The following IRS1 variants were observed in gnomAD, a reference collection of about 807,000 sequenced individuals.
IRS1 encodes insulin receptor substrate 1.
A neutral mutation model predicts 65.6 loss-of-function variants in IRS1; 34 were observed. The observed-to-expected ratio is 0.52, with a 90% CI of 0.39 to 0.69. The LOEUF (loss-of-function observed/expected upper bound fraction) is 0.69. Among genes scored for constraint, IRS1 ranks in the 30% least tolerant of loss-of-function variants. The pLI, the probability that IRS1 is intolerant of heterozygous loss-of-function variation, is 0.00. For missense variants in IRS1, 1,641 were observed against 1,720.2 expected, an observed-to-expected ratio of 0.95 and a Z score of 0.81; for synonymous variants, 699 against 683.5, an observed-to-expected ratio of 1.02 and a Z score of -0.35.
intron 1 of IRS1, among the ~76,000 whole-genome samples, chr2:226,763,980 A>G (rs1938974219): frequency 6.6e-6 from 1 of 152,138 alleles, no homozygotes; most frequent in African/African-American, 2.4e-5. Flanking sequence ...GTTGTATAGT[A>G]AATGAACTTC....
In IRS1 at chr2:226,798,307, C is replaced by T. The variant is rs2106187558; in HGVS notation, c.432G>A (p.Glu144=). ...GSCSGSSGLG[E]AGEDLSYGDV... Reference sequence around the variant, plus strand: ...CACCGTAGCTCAAGTCCTCCCCAGCCTCACCAAGGCCGGAGCTGCCGCTGC... The same window carrying T: ...CACCGTAGCTCAAGTCCTCCCCAGCTTCACCAAGGCCGGAGCTGCCGCTGC... The change falls in exon 1 of 2, where the codon GAG becomes GAA. Residue 144 remains glutamate (E), a synonymous_variant. Transcript: ENST00000305123. The surrounding 1 kb of genome is among the most constrained non-coding windows in gnomAD (Gnocchi z 9.4). The T allele has an allele frequency of 1.2e-6, 2 of 1,613,256 alleles. No homozygotes were observed. The highest frequency in any genetic ancestry group is 1.7e-6 in the Non-Finnish European group (2 of 1,179,900).
At chr2:226,788,019 C>CAAA (rs539121964) in intron 1 of IRS1, among the ~76,000 whole-genome samples, 1 of 140,516 alleles carries the variant, frequency 7.1e-6, no homozygotes, top group Admixed American at 7.0e-5. Flanking sequence ...TACATATATT[C>CAAA]AAAAAAAAAA....
intron 1 of IRS1, among the ~76,000 whole-genome samples, chr2:226,791,830 G>A (rs1939614578): frequency 6.6e-6 from 1 of 152,136 alleles, no homozygotes; most frequent in South Asian, 2.1e-4. Flanking sequence ...ACGCGGCCCG[G>A]GAAGGGGCCC....
chr2:226,746,594 T>C (rs979303318), intron 1 of IRS1, among the ~76,000 whole-genome samples: 7 of 151,958 alleles, frequency 4.6e-5, no homozygotes, highest in Non-Finnish European at 8.8e-5. Context: ...GAGGCAAAAT[T>C]TTTCCAGTTG....
rs778375751 is a variant in IRS1 at position 226,798,616 on chromosome 2, C to T, written c.123G>A (p.Pro41=). The T allele has an allele frequency of 6.2e-7, 1 of 1,613,158 alleles. No homozygotes were observed. Among genetic ancestry groups the T allele is most frequent in the South Asian group, 1.1e-5 (1 of 91,074 alleles). Residue 41 remains proline, a synonymous_variant, in exon 1 of 2, where the codon CCG becomes CCA. Coordinates refer to ENST00000305123, the MANE Select transcript of IRS1 (RefSeq NM_005544.3). This position sits in a 1 kb window ranked among gnomAD's most constrained non-coding sequence, Gnocchi z 9.4. ...CGTTCTCGTAGTACTCGAGGCGCGC[C>T]GGGCCCCCAGCCTCGCTGGCCGCGC... ...VLRAASEAGG[P]ARLEYYENEK... is the part of the protein sequence containing the mutation.
At position 226,795,728 on chromosome 2, in the gene IRS1, G is replaced by A. The variant is rs750831376; in HGVS notation, c.3011C>T (p.Thr1004Ile). The change falls in exon 1 of 2, where the codon ACC (threonine) becomes ATC (isoleucine). Residue 1004 changes from threonine (T) to isoleucine (I), a missense_variant. Physicochemically the swap from Thr to Ile is moderately conservative, Grantham distance 89. Transcript: ENST00000305123. ...MSCPRQSYVD[T>I]SPAAPVSYAD... is the part of the protein sequence containing the mutation. ...ATAGCTTACAGGGGCAGCTGGCGAG[G>A]TGTCCACGTAGCTCTGACGGGGACA... 6.2e-7 allele frequency: 1 copy of A among 1,613,290 alleles called. No homozygotes were observed. The highest frequency in any genetic ancestry group is 8.5e-7 in the Non-Finnish European group (1 of 1,180,022).
rs77922381 is a variant in IRS1 at position 226,760,482 on chromosome 2, A to G, written c.*22-24232T>C. Among the ~76,000 whole-genome samples the G allele has an allele frequency of 4.3e-3, 658 of 152,286 alleles. 3 individuals carry two copies. Among genetic ancestry groups the G allele is most frequent in the African/African-American group, 0.015 (630 of 41,552 alleles). On this transcript the variant is annotated intron_variant, in intron 1 of 1. Transcript: ENST00000305123. ...AATAGTGTCCAGTCCACACTTCCCT[A>G]CAAATACATGCGGTCATAATTTTTT...
intron 1 of IRS1, among the ~76,000 whole-genome samples, chr2:226,736,945 T>C (rs1399646380): frequency 2.6e-5 from 4 of 152,234 alleles, no homozygotes; most frequent in East Asian, 3.9e-4. Context: ...TTTTTTTTAC[T>C]TTTTTTATTA....
intron 1 of IRS1, among the ~76,000 whole-genome samples, chr2:226,771,375 A>AC (rs1939161959): frequency 6.6e-6 from 1 of 152,180 alleles, no homozygotes; most frequent in African/African-American, 2.4e-5. Flanking sequence ...ATTCGGCTCC[A>AC]CCACTCAAGG....
rs562327159 is a variant in IRS1, at chr2:226,735,363, A to T, written c.*909T>A. On this transcript the variant is annotated 3_prime_UTR_variant, in exon 2 of 2. Coordinates refer to ENST00000305123, the MANE Select transcript of IRS1 (RefSeq NM_005544.3). ...CTGTTTACAATACATGCAATGGAAG[A>T]CTTTAATTTCCTCTTCTTATAATTT... The T allele has an allele frequency of 6.6e-6, 1 of 152,348 alleles. No individual in the cohort carries two copies. Among genetic ancestry groups the T allele is most frequent in the East Asian group, 1.9e-4 (1 of 5,186 alleles). 9.4% of individuals were successfully genotyped at this position (152,348 alleles called of 1,614,324 possible). A position where few individuals can be genotyped will look rare whatever the true frequency, so the allele number is the denominator to read the frequency against.
At chr2:226,750,249 CAAAAAAAAAAA>C (rs75785691) in intron 1 of IRS1, among the ~76,000 whole-genome samples, 1 of 59,980 alleles carries the variant, frequency 1.7e-5, no homozygotes, top group Non-Finnish European at 3.8e-5. Context: ...AACTCTGTCT[CAAAAAAAAAAA>C]AAAAAAAAAA....
intron 1 of IRS1, among the ~76,000 whole-genome samples, chr2:226,766,148 TATATATATATA>T (rs1939037569): frequency 2.7e-4 from 2 of 7,436 alleles, no homozygotes; most frequent in African/African-American, 6.6e-4. Flanking sequence ...TATATATATA[TATATATATATA>T]TATATTTTTT....
At chr2:226,774,029 G>A (rs1939217301) in intron 1 of IRS1, among the ~76,000 whole-genome samples, 1 of 152,102 alleles carries the variant, frequency 6.6e-6, no homozygotes, top group Non-Finnish European at 1.5e-5. Context: ...ATTCCCTGTA[G>A]TCCAACAGAG....
At position 226,796,091 on chromosome 2, in the gene IRS1, GGCTGCT is replaced by G. The variant is rs747646240; in HGVS notation, c.2642_2647del (p.Gln881_Gln882del). On this transcript the variant is annotated inframe_deletion, in exon 1 of 2. Coordinates refer to ENST00000305123, the MANE Select transcript of IRS1 (RefSeq NM_005544.3). ...CTTGGGCTCTGGAGGGTGCAGCAAG[GGCTGCT>G]GCTGCTGCTGCTGCTCTCGGGCCCG... 11 of 1,612,142 alleles carry G rather than the reference GGCTGCT, an allele frequency of 6.8e-6. No individual in the cohort carries two copies. The highest frequency in any genetic ancestry group is 6.7e-5 in the African/African-American group (5 of 74,918).
In IRS1 at chr2:226,741,028, C is replaced by G. The variant is rs572527043; in HGVS notation, c.*22-4778G>C. ...AAAAAAAAGTATCTTGAATATAATA[C>G]AGAAAATGTATAAAATACAGGAAGA... On this transcript the variant is annotated intron_variant, in intron 1 of 1. Transcript: ENST00000305123. Among the ~76,000 whole-genome samples the G allele has an allele frequency of 1.1e-4, 16 of 151,702 alleles. 1 individual carries two copies. In the South Asian group the frequency reaches 3.1e-3, roughly 30 times the overall value.
chr2:226,733,016 A>G lies in IRS1; in HGVS notation c.*3256T>C, dbSNP rs1346917684. The G allele has an allele frequency of 6.6e-6, 1 of 152,142 alleles. No individual in the cohort carries two copies. The highest frequency in any genetic ancestry group is 6.5e-5 in the Admixed American group (1 of 15,280). The allele number at this position is 152,142 out of a possible 1,614,324, so 9.4% of individuals were successfully genotyped here. A position where few individuals can be genotyped will look rare whatever the true frequency, so the allele number is the denominator to read the frequency against. ...CCAGCAGTTGGAAGACTGCACATGGATACTATTTGTCATGGCTCTCGTTGT... is the reference window on the plus strand; with the variant it reads ...CCAGCAGTTGGAAGACTGCACATGGGTACTATTTGTCATGGCTCTCGTTGT... On this transcript the variant is annotated 3_prime_UTR_variant, in exon 2 of 2. Transcript: ENST00000305123.
intron 1 of IRS1, among the ~76,000 whole-genome samples, chr2:226,755,505 T>C (rs913216132): frequency 6.6e-6 from 1 of 152,248 alleles, no homozygotes; most frequent in African/African-American, 2.4e-5. Context: ...GTGTTAATTA[T>C]CTGTGTACAC....
intron 1 of IRS1, among the ~76,000 whole-genome samples, chr2:226,760,611 C>T (rs541954084): frequency 7.9e-5 from 12 of 152,236 alleles, no homozygotes; most frequent in Middle Eastern, 6.8e-3. Flanking sequence ...GAGGAAAACC[C>T]TCAACCCCAC....
intron 1 of IRS1, among the ~76,000 whole-genome samples, chr2:226,766,136 TATATATATA>T (rs1939030562): frequency 8.5e-4 from 3 of 3,510 alleles, no homozygotes; most frequent in South Asian, 8.3e-3. Flanking sequence ...TATATATATA[TATATATATA>T]TATATATATA....
Sources: allele counts gnomAD v4.1 joint callset (sites outside exome capture counted in the v4.1 genomes callset), GRCh38; gene constraint gnomAD v4.1.1; non-coding constraint Gnocchi (gnomAD v3.1); transcripts MANE v1.5; gene names NCBI Gene and HGNC (gene_info 2026-07-23, HGNC 2026-07-21).